RANBP17: variants seen among roughly 807,000 people sequenced by gnomAD.
RANBP17 encodes the protein RAN binding protein 17, also known as ran-binding protein 17.
A neutral mutation model predicts 141.2 loss-of-function variants in RANBP17; 158 were observed. The observed-to-expected ratio is 1.12, with a 90% CI of 0.98 to 1.28. The LOEUF (loss-of-function observed/expected upper bound fraction) is 1.28. Ranked by LOEUF, RANBP17 falls within the 50% of genes most tolerant of loss-of-function variation. RANBP17 has a pLI of 0.00. For synonymous variants in RANBP17, 430 were observed against 450.0 expected (o/e 0.96, Z 0.56); for missense variants, 1,438 against 1,290.7 (o/e 1.11, Z -1.75).
chr5:170,957,117 T>C (rs1043147978), intron 13 of RANBP17, among the ~76,000 whole-genome samples: 34 of 117,386 alleles, frequency 2.9e-4, no homozygotes, highest in African/African-American at 1.0e-3. Context: ...ACGCGCACAC[T>C]GCCACTATCT....
chr5:171,091,052 C>T (rs76885788), intron 14 of RANBP17, among the ~76,000 whole-genome samples: 7,016 of 152,190 alleles, frequency 0.046, 204 homozygotes, highest in East Asian at 0.12. Context: ...GAGAAGAGGG[C>T]CACCATCCTC....
At chr5:170,957,182 C>G (rs1258796040) in intron 13 of RANBP17, among the ~76,000 whole-genome samples, 2 of 151,620 alleles carry the variant, frequency 1.3e-5, no homozygotes, top group African/African-American at 4.8e-5. Flanking sequence ...CAATGAGAAA[C>G]AAATATTAGT....
intron 14 of RANBP17, among the ~76,000 whole-genome samples, chr5:171,084,350 C>A (rs960934920): frequency 7.1e-6 from 1 of 141,140 alleles, no homozygotes; most frequent in African/African-American, 2.6e-5. Flanking sequence ...TTTTCTTAAT[C>A]CAGTCTATCA....
chr5:171,154,369 C>G (rs776427885), intron 14 of RANBP17, among the ~76,000 whole-genome samples: 2 of 151,748 alleles, frequency 1.3e-5, no homozygotes, highest in Admixed American at 6.6e-5. Flanking sequence ...CTCCGCCTCC[C>G]GAGTCCACAC....
chr5:170,959,692 G>A (rs1184976833), intron 13 of RANBP17, among the ~76,000 whole-genome samples: 5 of 152,122 alleles, frequency 3.3e-5, no homozygotes, highest in Non-Finnish European at 2.9e-5. Flanking sequence ...AACATATTTT[G>A]TATGTTATAT....
chr5:171,078,321 C>A (rs967334115), intron 14 of RANBP17, among the ~76,000 whole-genome samples: 1 of 151,908 alleles, frequency 6.6e-6, no homozygotes, highest in African/African-American at 2.4e-5. Context: ...TGCCACCACG[C>A]CCAGCTAATT....
intron 14 of RANBP17, among the ~76,000 whole-genome samples, chr5:171,125,317 AAAGTGAAGGGATG>A: frequency 6.7e-6 from 1 of 149,600 alleles, no homozygotes; most frequent in South Asian, 2.1e-4. Flanking sequence ...AAAAAAAAAG[AAAGTGAAGGGATG>A]GAAAAAGATA....
intron 18 of RANBP17, among the ~76,000 whole-genome samples, chr5:171,190,950 G>A (rs1438052423): frequency 1.3e-5 from 2 of 152,184 alleles, no homozygotes; most frequent in African/African-American, 2.4e-5. Flanking sequence ...TAGATGAGAA[G>A]CACGTGGATA....
At chr5:170,951,023 C>T (rs541256538) in intron 12 of RANBP17, among the ~76,000 whole-genome samples, 7 of 152,074 alleles carry the variant, frequency 4.6e-5, no homozygotes, top group South Asian at 4.2e-4. Flanking sequence ...AAATTCATTT[C>T]ATTGAGGTAA....
intron 12 of RANBP17, among the ~76,000 whole-genome samples, chr5:170,930,436 G>A (rs1773265535): frequency 6.7e-6 from 1 of 149,736 alleles, no homozygotes. Context: ...TTTACTTTAA[G>A]TTCTAGGGTA....
rs1554127986 is a variant in RANBP17 at position 171,277,938 on chromosome 5, C to CCTTTTT, written c.2943+12091_2943+12092insCTTTTT. On this transcript the variant is annotated intron_variant, in intron 25 of 27. Transcript: ENST00000523189. Reference sequence around the variant, plus strand: ...CAGTCCTTGAGCCTAGGACTTCTTTCTTTTTTTTTTTTTTTTTTTTTTTTT... The same window carrying CCTTTTT: ...CAGTCCTTGAGCCTAGGACTTCTTTCCTTTTTTTTTTTTTTTTTTTTTTTTTTTTTT... 1.3e-3 allele frequency among the ~76,000 whole-genome samples: 92 copies of CCTTTTT among 72,270 alleles called. 1 individual carries two copies. The highest frequency in any genetic ancestry group is 2.7e-3 in the East Asian group (5 of 1,830). The allele number at this position is 72,270 out of a possible 152,430, so 47.4% of individuals were successfully genotyped here.
intron 1 of RANBP17, among the ~76,000 whole-genome samples, chr5:170,870,543 A>C (rs555021879): frequency 6.6e-6 from 1 of 152,318 alleles, no homozygotes; most frequent in East Asian, 1.9e-4. Flanking sequence ...AGCAAAGGAC[A>C]TGATCTCATT....
intron 14 of RANBP17, among the ~76,000 whole-genome samples, chr5:171,050,380 C>T (rs974381121): frequency 3.3e-5 from 5 of 152,160 alleles, no homozygotes; most frequent in African/African-American, 9.7e-5. Context: ...TTGTATATAA[C>T]ATATTACATA....
chr5:171,143,240 T>C (rs535003450), intron 14 of RANBP17: 1 of 152,330 alleles, frequency 6.6e-6, no homozygotes, highest in South Asian at 2.1e-4. Context: ...CACTTAATAA[T>C]TCTTGTATGT....
chr5:171,274,149 T>TGTGTGTGTGTGC (rs34291143), intron 25 of RANBP17, among the ~76,000 whole-genome samples: 12 of 126,772 alleles, frequency 9.5e-5, no homozygotes, highest in Admixed American at 5.5e-4. Flanking sequence ...TGTGTGTGTG[T>TGTGTGTGTGTGC]GCGCGCGCGC....
intron 14 of RANBP17, among the ~76,000 whole-genome samples, chr5:171,077,481 AG>A: frequency 6.6e-6 from 1 of 152,228 alleles, no homozygotes; most frequent in Non-Finnish European, 1.5e-5. Flanking sequence ...AGAACAAGAC[AG>A]GTTGTTCAAT....
At chr5:171,122,511 G>A (rs1343318238) in intron 14 of RANBP17, among the ~76,000 whole-genome samples, 1 of 152,214 alleles carries the variant, frequency 6.6e-6, no homozygotes, top group Non-Finnish European at 1.5e-5. Context: ...TAGCACAGAA[G>A]TGACAGGGAA....
At chr5:171,038,999 C>A (rs973238967) in intron 14 of RANBP17, among the ~76,000 whole-genome samples, 5 of 152,048 alleles carry the variant, frequency 3.3e-5, no homozygotes, top group African/African-American at 1.2e-4. Flanking sequence ...TAGATTAATT[C>A]TATGTCTTTG....
intron 14 of RANBP17, among the ~76,000 whole-genome samples, chr5:170,972,890 A>G (rs1315072134): frequency 6.6e-6 from 1 of 152,178 alleles, no homozygotes; most frequent in African/African-American, 2.4e-5. Context: ...GTCTTTCAGA[A>G]AAATTTTTCC....
Sources: gnomAD v4.1 joint callset for allele counts (sites outside exome capture counted in the v4.1 genomes callset) on GRCh38, gnomAD v4.1.1 for gene constraint, MANE v1.5 for transcripts, NCBI Gene and HGNC (gene_info 2026-07-23, HGNC 2026-07-21) for gene names.